ARHGEF37: variants seen among roughly 807,000 people sequenced by gnomAD.
ARHGEF37 encodes the protein Rho guanine nucleotide exchange factor 37, also known as Rho guanine nucleotide exchange factor (GEF) 37.
Under a neutral mutation model 71.1 loss-of-function variants are expected in ARHGEF37, and 55 were observed. The observed-to-expected ratio is 0.77, with a 90% CI of 0.62 to 0.97. ARHGEF37 has a LOEUF of 0.97. Among genes scored for constraint, ARHGEF37 ranks in the 50% least tolerant of loss-of-function variants. The pLI, the probability that ARHGEF37 is intolerant of heterozygous loss-of-function variation, is 0.00. For synonymous variants in ARHGEF37, 327 were observed against 350.6 expected, an observed-to-expected ratio of 0.93 and a Z score of 0.75; for missense variants, 765 against 836.8, an observed-to-expected ratio of 0.91 and a Z score of 1.06.
intron 1 of ARHGEF37, among the ~76,000 whole-genome samples, chr5:149,558,727 G>C (rs200723751): frequency 8.3e-6 from 1 of 120,214 alleles, no homozygotes; most frequent in African/African-American, 3.3e-5. Context: ...GTGTGTGTGT[G>C]TGTGTGTGTG....
At chr5:149,559,986 C>T (rs559841970) in intron 1 of ARHGEF37, among the ~76,000 whole-genome samples, 8 of 152,084 alleles carry the variant, frequency 5.3e-5, no homozygotes, top group South Asian at 2.1e-4. Context: ...TTCTTAGATT[C>T]GGTGGAAGCA....
At chr5:149,595,945 AT>A (rs34343291) in intron 1 of ARHGEF37, among the ~76,000 whole-genome samples, 19,188 of 137,928 alleles carry the variant, frequency 0.14, 2,378 homozygotes, top group African/African-American at 0.32. Flanking sequence ...GGATAGCTGC[AT>A]TTTTTTTTTT....
chr5:149,611,633 T>A (rs1764082505), intron 4 of ARHGEF37, among the ~76,000 whole-genome samples: 1 of 152,252 alleles, frequency 6.6e-6, no homozygotes, highest in Non-Finnish European at 1.5e-5. Flanking sequence ...CAGGATCTAG[T>A]TTCCTTATGT....
intron 1 of ARHGEF37, among the ~76,000 whole-genome samples, chr5:149,563,256 T>C (rs923978201): frequency 2.0e-5 from 3 of 152,204 alleles, no homozygotes; most frequent in African/African-American, 7.2e-5. Flanking sequence ...AATTGACCTA[T>C]TTAAACCTTA....
chr5:149,621,718 C>T lies in ARHGEF37; in HGVS notation c.1006-15C>T. The T allele has an allele frequency of 6.2e-7, 1 of 1,601,244 alleles. No individual in the cohort carries two copies. Among genetic ancestry groups the T allele is most frequent in the Non-Finnish European group, 8.5e-7 (1 of 1,172,508 alleles). ...CACCTCCTTTCCCGACTCCCACGCTCATGTCTCCCCACAGAAGCAACGGCT... is the reference window on the plus strand; with the variant it reads ...CACCTCCTTTCCCGACTCCCACGCTTATGTCTCCCCACAGAAGCAACGGCT... On this transcript the variant is annotated splice_polypyrimidine_tract_variant and intron_variant, in intron 8 of 12. Coordinates refer to ENST00000333677, the MANE Select transcript of ARHGEF37 (RefSeq NM_001001669.3).
intron 4 of ARHGEF37, among the ~76,000 whole-genome samples, chr5:149,614,791 G>A (rs1752328542): frequency 6.6e-6 from 1 of 152,154 alleles, no homozygotes; most frequent in African/African-American, 2.4e-5. Flanking sequence ...CCTATTCTTA[G>A]CTTCATGGCT....
Position 149,597,476 on chromosome 5 carries a change from C to T in ARHGEF37, c.-11-283C>T, listed in dbSNP as rs1241773299. Among the ~76,000 whole-genome samples the T allele has an allele frequency of 3.3e-5, 5 of 152,078 alleles. 1 individual carries two copies. Among genetic ancestry groups the T allele is most frequent in the Admixed American group, 3.3e-4 (5 of 15,252 alleles). The stretch of plus-strand genomic sequence containing the variant: ...GTTTCATCATGTTGGCCAGGCTGGT[C>T]TCGAACTCCTGACATCAGGTGATCT... On this transcript the variant is annotated intron_variant, in intron 1 of 12. Transcript: ENST00000333677.
chr5:149,621,759 G>A lies in ARHGEF37; in HGVS notation c.1032G>A (p.Trp344Ter), dbSNP rs560081847. Reference sequence around the variant, plus strand: ...AGCAACGGCTAGAAGGCCTGGTGTGGCAGCCACTGTGCAGCCTGGCCAAAG... The same window carrying A: ...AGCAACGGCTAGAAGGCCTGGTGTGACAGCCACTGTGCAGCCTGGCCAAAG... ...KFKQRLEGLV[W>*]QPLCSLAKAL... The change falls in exon 9 of 13, where the codon TGG (tryptophan) becomes TGA (stop). Residue 344 changes from tryptophan (W) to a stop codon, truncating the protein, a stop_gained. Coordinates refer to ENST00000333677, the MANE Select transcript of ARHGEF37 (RefSeq NM_001001669.3). LOFTEE classifies it high-confidence loss of function. The A allele has an allele frequency of 5.6e-6, 9 of 1,612,782 alleles. No homozygotes were observed. The highest frequency in any genetic ancestry group is 7.6e-6 in the Non-Finnish European group (9 of 1,179,380).
intron 1 of ARHGEF37, among the ~76,000 whole-genome samples, chr5:149,584,211 T>C (rs1274693379): frequency 1.3e-5 from 2 of 152,222 alleles, no homozygotes; most frequent in Non-Finnish European, 2.9e-5. Flanking sequence ...AAAAACTGTG[T>C]TGTCTCCTTC....
upstream of ARHGEF37, among the ~76,000 whole-genome samples, chr5:149,551,710 G>A (rs1181094753): frequency 6.6e-6 from 1 of 152,258 alleles, no homozygotes; most frequent in Non-Finnish European, 1.5e-5. Context: ...TGGCCCCCCG[G>A]CCTTGATATT....
intron 1 of ARHGEF37, among the ~76,000 whole-genome samples, chr5:149,563,283 T>C (rs148059767): frequency 1.1e-3 from 175 of 152,336 alleles, no homozygotes; most frequent in African/African-American, 4.0e-3. Context: ...CACCAGCCTT[T>C]CTACACCCTT....
chr5:149,560,308 T>C (rs529989524), intron 1 of ARHGEF37, among the ~76,000 whole-genome samples: 4 of 152,058 alleles, frequency 2.6e-5, no homozygotes, highest in African/African-American at 9.7e-5. Flanking sequence ...AGAGACGAGG[T>C]TCTCCATGAT....
At position 149,632,358 on chromosome 5, in the gene ARHGEF37, G is replaced by C. The variant is rs1317104939; in HGVS notation, c.*167G>C. On this transcript the variant is annotated 3_prime_UTR_variant, in exon 13 of 13. Transcript: ENST00000333677. Reference sequence around the variant, plus strand: ...AGAAGACATGGGCGGGCCTCGCAGAGTGCTTGGTGTGGTGGGGGCACAGGA... The same window carrying C: ...AGAAGACATGGGCGGGCCTCGCAGACTGCTTGGTGTGGTGGGGGCACAGGA... 1 of 711,596 alleles carries C rather than the reference G, an allele frequency of 1.4e-6. No individual in the cohort carries two copies. Among genetic ancestry groups the C allele is most frequent in the Non-Finnish European group, 2.3e-6 (1 of 436,916 alleles). The allele number at this position is 711,596 out of a possible 1,614,324, so 44.1% of individuals were successfully genotyped here.
intron 1 of ARHGEF37, among the ~76,000 whole-genome samples, chr5:149,560,732 G>T (rs1762818366): frequency 6.6e-6 from 1 of 151,820 alleles, no homozygotes; most frequent in Non-Finnish European, 1.5e-5. Context: ...ACCAGCCTGG[G>T]CAATGTGGTA....
Position 149,622,056 on chromosome 5 carries a change from G to A in ARHGEF37, c.1329G>A (p.Met443Ile). 6.2e-7 allele frequency: 1 copy of A among 1,607,640 alleles called. No homozygotes were observed. Among genetic ancestry groups the A allele is most frequent in the Non-Finnish European group, 8.5e-7 (1 of 1,176,140 alleles). ...KQVLQRAEGSMAQLPHHHVPE... is the reference protein window; with the variant it reads ...KQVLQRAEGSIAQLPHHHVPE... ...TGCTGCAGAGGGCAGAGGGAAGCAT[G>A]GCCCAGGTAAGGCCTCTGAGACTTG... The change falls in exon 9 of 13, where the codon ATG (methionine) becomes ATA (isoleucine). Residue 443 changes from methionine to isoleucine, a missense_variant. Physicochemically the swap from Met to Ile is conservative, Grantham distance 10. Around this residue, in one of 5 missense-constraint regions of ARHGEF37, gnomAD observed 390 missense variants for 407.4 expected, o/e 0.96. Transcript: ENST00000333677.
chr5:149,568,268 A>G (rs1228993553), intron 1 of ARHGEF37, among the ~76,000 whole-genome samples: 1 of 151,596 alleles, frequency 6.6e-6, no homozygotes, highest in African/African-American at 2.4e-5. Flanking sequence ...CTCAAAGAGT[A>G]CTCCTGCCTT....
At chr5:149,601,635 T>C (rs1363681123) in intron 3 of ARHGEF37, among the ~76,000 whole-genome samples, 1 of 152,170 alleles carries the variant, frequency 6.6e-6, no homozygotes, top group Non-Finnish European at 1.5e-5. Flanking sequence ...AGACAGAAGA[T>C]AGACAAACAA....
chr5:149,607,079 T>G (rs1304627681), intron 3 of ARHGEF37, among the ~76,000 whole-genome samples: 4 of 152,148 alleles, frequency 2.6e-5, no homozygotes, highest in Admixed American at 6.5e-5. Flanking sequence ...TTTTGTATTT[T>G]TTTAGTAGAG....
At chr5:149,629,826 C>T (rs561867872) in intron 12 of ARHGEF37, among the ~76,000 whole-genome samples, 18 of 152,294 alleles carry the variant, frequency 1.2e-4, no homozygotes, top group Admixed American at 7.2e-4. Context: ...AAACACAACG[C>T]GAGCTCTTTG....
Sources: gnomAD v4.1 joint callset for allele counts (sites outside exome capture counted in the v4.1 genomes callset) on GRCh38, gnomAD v4.1.1 for gene constraint, gnomAD v4.1.1 regional missense constraint, MANE v1.5 for transcripts, NCBI Gene and HGNC (gene_info 2026-07-23, HGNC 2026-07-21) for gene names.